Variants in TNS1 observed in about 807,000 individuals in gnomAD.
The protein encoded by TNS1 is tensin-1.
In TNS1, 62 loss-of-function variants were observed where a neutral mutation model predicts 168.6. That is an observed-to-expected ratio of 0.37 (90% CI 0.30 to 0.45). TNS1 has a LOEUF of 0.45. Among genes scored for constraint, TNS1 ranks in the 20% least tolerant of loss-of-function variants. TNS1 has a pLI of 1.00. For synonymous variants in TNS1, 934 were observed against 933.2 expected, an observed-to-expected ratio of 1.00 and a Z score of -0.02; for missense variants, 2,240 against 2,339.4, an observed-to-expected ratio of 0.96 and a Z score of 0.88.
intron 2 of TNS1, among the ~76,000 whole-genome samples, chr2:217,984,854 C>G (rs990233533): frequency 2.6e-5 from 4 of 151,134 alleles, no homozygotes; most frequent in Non-Finnish European, 5.9e-5. Flanking sequence ...CTCCCGGGTT[C>G]AAGAAATTCT....
chr2:217,924,312 T>C (rs1461361198), intron 3 of TNS1, among the ~76,000 whole-genome samples: 1 of 151,472 alleles, frequency 6.6e-6, no homozygotes, highest in South Asian at 2.1e-4. Context: ...TCTCTCTCTC[T>C]CTCACACACA....
At chr2:217,942,726 G>A (rs1259148880) in intron 3 of TNS1, among the ~76,000 whole-genome samples, 1 of 152,078 alleles carries the variant, frequency 6.6e-6, no homozygotes, top group Non-Finnish European at 1.5e-5. Context: ...CAAAGACCCT[G>A]GCACCCTAGT....
chr2:217,919,497 T>C (rs1209901069), intron 4 of TNS1, among the ~76,000 whole-genome samples: 1 of 152,218 alleles, frequency 6.6e-6, no homozygotes, highest in Non-Finnish European at 1.5e-5. Flanking sequence ...CAGAGCCTTG[T>C]CTGCTTCTAG....
intron 19 of TNS1, among the ~76,000 whole-genome samples, 199 bp from the exon 20 acceptor site, chr2:217,836,410 G>T (rs905852497): frequency 1.3e-5 from 2 of 152,138 alleles, no homozygotes; most frequent in African/African-American, 4.8e-5. Flanking sequence ...CAGGAGAGGG[G>T]ATCTGCTTAG....
chr2:217,858,049 T>C lies in TNS1; in HGVS notation c.1430-8962A>G, dbSNP rs116103136. 8.1e-3 allele frequency among the ~76,000 whole-genome samples: 1,238 copies of C among 152,262 alleles called. 21 individuals carry two copies. The highest frequency in any genetic ancestry group is 0.028 in the African/African-American group (1,168 of 41,544). ...GAGGCCGGTGGGGAATGGTGAGCAC[T>C]GGAGGTGCCCCAAAGCTCAGGCCAA... On this transcript the variant is annotated intron_variant, in intron 18 of 32. Transcript: ENST00000682258.
chr2:218,019,992 C>T (rs1188843744), intron 1 of TNS1, among the ~76,000 whole-genome samples: 1 of 152,144 alleles, frequency 6.6e-6, no homozygotes, highest in Non-Finnish European at 1.5e-5. Context: ...GTAAGAGAGC[C>T]AAGCCCAGAA....
chr2:217,926,739 C>T (rs896671237), intron 3 of TNS1, among the ~76,000 whole-genome samples: 1 of 152,238 alleles, frequency 6.6e-6, no homozygotes, highest in South Asian at 2.1e-4. Flanking sequence ...CTTCACTCCT[C>T]ACAACCACCC....
chr2:217,938,322 G>T (rs1956735791), intron 3 of TNS1, among the ~76,000 whole-genome samples: 1 of 152,202 alleles, frequency 6.6e-6, no homozygotes, highest in South Asian at 2.1e-4. Flanking sequence ...TGCTAATGAG[G>T]AATGTCAGGG....
intron 3 of TNS1, among the ~76,000 whole-genome samples, chr2:217,920,895 T>G (rs535435045): frequency 6.6e-6 from 1 of 152,144 alleles, no homozygotes; most frequent in East Asian, 1.9e-4. Flanking sequence ...ACCAGTTTCA[T>G]GATCCTCATC....
chr2:217,816,843 G>A (rs1325524033), intron 24 of TNS1, among the ~76,000 whole-genome samples: 1 of 152,118 alleles, frequency 6.6e-6, no homozygotes, highest in Non-Finnish European at 1.5e-5. Flanking sequence ...GACGCCGGGA[G>A]AATCTAGGGA....
intron 22 of TNS1, among the ~76,000 whole-genome samples, chr2:217,831,071 C>T (rs1328768802): frequency 6.6e-6 from 1 of 152,000 alleles, no homozygotes; most frequent in Non-Finnish European, 1.5e-5. Flanking sequence ...GCTTCTCTGA[C>T]TCTATGTGTG....
intron 1 of TNS1, among the ~76,000 whole-genome samples, chr2:217,993,762 A>G (rs1958418999): frequency 6.6e-6 from 1 of 152,232 alleles, no homozygotes; most frequent in East Asian, 1.9e-4. Flanking sequence ...TAAAGTATCC[A>G]TGTCAATTTC....
Position 217,981,228 on chromosome 2 carries a change from T to C in TNS1, c.149-2426A>G, listed in dbSNP as rs568302224. Among the ~76,000 whole-genome samples the C allele has an allele frequency of 1.2e-4, 18 of 152,322 alleles. No homozygotes were observed. In the East Asian group the frequency reaches 3.1e-3, roughly 26 times the overall value. On this transcript the variant is annotated intron_variant, in intron 2 of 32. Transcript: ENST00000682258. ...CCCCAGGGACACACAGCTGGGCTCA[T>C]GCACAGTGTCTTTGTGGAAATGGTG...
intron 22 of TNS1, among the ~76,000 whole-genome samples, chr2:217,826,685 C>CTCT: frequency 6.6e-6 from 1 of 152,216 alleles, no homozygotes; most frequent in Non-Finnish European, 1.5e-5. Flanking sequence ...TCCTTCCCTC[C>CTCT]AATCCTGGAG....
intron 24 of TNS1, among the ~76,000 whole-genome samples, chr2:217,816,356 T>G (rs896966168): frequency 2.0e-5 from 3 of 152,136 alleles, no homozygotes; most frequent in Non-Finnish European, 4.4e-5. Flanking sequence ...CACTGCAAAG[T>G]TAAGAGAGCA....
chr2:217,908,589 G>A (rs966981202), intron 4 of TNS1, among the ~76,000 whole-genome samples: 32 of 152,290 alleles, frequency 2.1e-4, no homozygotes, highest in African/African-American at 5.5e-4. Flanking sequence ...AGGTTCCGGC[G>A]TCAGGGAGGA....
At chr2:217,945,916 G>C (rs1483272641) in intron 3 of TNS1, among the ~76,000 whole-genome samples, 1 of 152,138 alleles carries the variant, frequency 6.6e-6, no homozygotes, top group Non-Finnish European at 1.5e-5. Context: ...GGTGGATGTG[G>C]GGATTGTGCT....
chr2:217,858,532 G>A, intron 18 of TNS1: 1 of 986,232 alleles, frequency 1.0e-6, no homozygotes, highest in Non-Finnish European at 1.2e-6. Context: ...GCGGAGGGAA[G>A]CCCGCTCTGA....
chr2:217,951,370 T>C (rs1255114658), intron 3 of TNS1, among the ~76,000 whole-genome samples: 1 of 152,206 alleles, frequency 6.6e-6, no homozygotes, highest in Non-Finnish European at 1.5e-5. Context: ...AATGCTCAGA[T>C]TTAGTGAGTG....
Sources: gnomAD v4.1 joint callset for allele counts (sites outside exome capture counted in the v4.1 genomes callset) on GRCh38, gnomAD v4.1.1 for gene constraint, MANE v1.5 for transcripts, NCBI Gene and HGNC (gene_info 2026-07-23, HGNC 2026-07-21) for gene names.